ERAP1: variants seen among roughly 807,000 people sequenced by gnomAD.
ERAP1 encodes adipocyte-derived leucine aminopeptidase.
ERAP1 carries 86 observed loss-of-function variants against 103.7 expected under a neutral mutation model. That is an observed-to-expected ratio of 0.83 (90% CI 0.70 to 0.99). The LOEUF is 0.99. ERAP1 is among the 50% of genes least tolerant of loss of function. The pLI, the probability that ERAP1 is intolerant of heterozygous loss-of-function variation, is 0.00. For missense variants in ERAP1, 1,009 were observed against 1,128.4 expected (o/e 0.89, Z 1.52); for synonymous variants, 398 against 402.4 (o/e 0.99, Z 0.13).
the ERAP1 span, chr5:96,895,365 T>C: frequency 6.4e-7 from 1 of 1,554,616 alleles, no homozygotes; most frequent in Non-Finnish European, 8.9e-7. Flanking sequence ...AATTTGTAAG[T>C]TCACAATTCT....
chr5:96,894,767 G>A, the ERAP1 span, among the ~76,000 whole-genome samples: 1 of 152,036 alleles, frequency 6.6e-6, no homozygotes. Context: ...CAACCTGAGA[G>A]CCCTAAATGA....
At chr5:96,867,674 C>T in the ERAP1 span, among the ~76,000 whole-genome samples, 1 of 152,268 alleles carries the variant, frequency 6.6e-6, no homozygotes, top group Non-Finnish European at 1.5e-5. Flanking sequence ...CAGAGAGAGA[C>T]AGAACCAAGG....
chr5:96,787,784 T>TTA (rs1554113047), intron 11 of ERAP1, among the ~76,000 whole-genome samples: 78 of 150,080 alleles, frequency 5.2e-4, no homozygotes, highest in East Asian at 3.0e-3. Flanking sequence ...GGTGTATATA[T>TTA]TATATATATA....
At chr5:96,914,148 T>TCTCACACACACACACACACACACACA in the ERAP1 span, among the ~76,000 whole-genome samples, 23 of 148,078 alleles carry the variant, frequency 1.6e-4, no homozygotes, top group East Asian at 3.2e-3. Flanking sequence ...TCTCTCTCTC[T>TCTCACACACACACACACACACACACA]CACACACACA....
the ERAP1 span, among the ~76,000 whole-genome samples, chr5:96,899,509 C>A: frequency 6.6e-6 from 1 of 152,206 alleles, no homozygotes; most frequent in Non-Finnish European, 1.5e-5. Flanking sequence ...AGAGCCTTAG[C>A]ACATTCTTCA....
chr5:96,793,616 T>A (rs570955600), intron 6 of ERAP1, 103 bp from the exon 7 acceptor site: 12 of 1,100,386 alleles, frequency 1.1e-5, no homozygotes, highest in Non-Finnish European at 1.6e-5. Flanking sequence ...ACAGGACCAA[T>A]ATTTAATCAA....
chr5:96,915,208 C>T, the ERAP1 span, among the ~76,000 whole-genome samples: 2 of 152,192 alleles, frequency 1.3e-5, no homozygotes, highest in Middle Eastern at 3.4e-3. Context: ...AGGGTTTCTC[C>T]ATGCTGGTCA....
At chr5:96,894,736 C>A in the ERAP1 span, among the ~76,000 whole-genome samples, 1 of 152,170 alleles carries the variant, frequency 6.6e-6, no homozygotes, top group Non-Finnish European at 1.5e-5. Context: ...ACTGAATTTG[C>A]TCTTCAGTAA....
chr5:96,841,364 AC>A, the ERAP1 span, among the ~76,000 whole-genome samples: 9 of 152,062 alleles, frequency 5.9e-5, no homozygotes, highest in African/African-American at 2.2e-4. Context: ...CATTTCAACA[AC>A]CTCTGCTTAG....
chr5:96,909,824 T>A, the ERAP1 span: 2 of 1,540,874 alleles, frequency 1.3e-6, no homozygotes, highest in Non-Finnish European at 1.8e-6. Flanking sequence ...AAGTCTTTGA[T>A]CAAGCAAGAC....
chr5:96,780,013 G>A (rs187890858), intron 18 of ERAP1, among the ~76,000 whole-genome samples: 10 of 152,274 alleles, frequency 6.6e-5, no homozygotes, highest in African/African-American at 2.4e-4. Context: ...AAGGTAGATG[G>A]TTACATAATA....
chr5:96,793,710 A>G, intron 6 of ERAP1, 93 bp downstream of exon 6: 2 of 1,292,184 alleles, frequency 1.5e-6, no homozygotes, highest in Non-Finnish European at 2.1e-6. Context: ...TTAAAAAAAG[A>G]CAAAGTAAAA....
At chr5:96,810,526 C>T (rs1231406386), upstream of ERAP1, among the ~76,000 whole-genome samples, 1 of 152,148 alleles carries the variant, frequency 6.6e-6, no homozygotes, top group Non-Finnish European at 1.5e-5. Flanking sequence ...AGAGAAAACA[C>T]ACACTAATTC....
chr5:96,793,274 C>T, intron 7 of ERAP1, 126 bp downstream of exon 7: 1 of 775,654 alleles, frequency 1.3e-6, no homozygotes, highest in Non-Finnish European at 2.2e-6. Context: ...CATATCTAAA[C>T]TGTCAAGGAA....
the ERAP1 span, among the ~76,000 whole-genome samples, chr5:96,861,101 C>T: frequency 6.6e-6 from 1 of 152,080 alleles, no homozygotes; most frequent in Admixed American, 6.6e-5. Context: ...TACAGCCTTC[C>T]TGACAATTCT....
At chr5:96,780,376 A>G (rs1166801970) in intron 18 of ERAP1, 47 bp downstream of exon 18, 2 of 1,367,892 alleles carry the variant, frequency 1.5e-6, no homozygotes, top group Admixed American at 2.2e-5. Flanking sequence ...TAATTAGCTA[A>G]TTTTCATTTA....
At chr5:96,932,741 T>C in the ERAP1 span, among the ~76,000 whole-genome samples, 1 of 152,248 alleles carries the variant, frequency 6.6e-6, no homozygotes, top group Admixed American at 6.5e-5. Context: ...ATTCATTGAT[T>C]ATCAAGTTTG....
chr5:96,892,873 A>G, the ERAP1 span, among the ~76,000 whole-genome samples: 5 of 152,170 alleles, frequency 3.3e-5, no homozygotes, highest in Admixed American at 6.5e-5. Flanking sequence ...CTGTGCTTAC[A>G]TGGCCATAAT....
the ERAP1 span, among the ~76,000 whole-genome samples, chr5:96,917,030 G>C: frequency 3.3e-5 from 5 of 152,190 alleles, no homozygotes; most frequent in Non-Finnish European, 1.5e-5. Context: ...ACCTTTTAGA[G>C]GTTGGCAGAG....
Sources: gnomAD v4.1 joint callset for allele counts (sites outside exome capture counted in the v4.1 genomes callset) on GRCh38, gnomAD v4.1.1 for gene constraint, MANE v1.5 for transcripts, NCBI Gene and HGNC (gene_info 2026-07-23, HGNC 2026-07-21) for gene names.